GALNT13: variants seen among roughly 807,000 people sequenced by gnomAD.
GALNT13 encodes the protein polypeptide N-acetylgalactosaminyltransferase 13.
Under a neutral mutation model 64.2 loss-of-function variants are expected in GALNT13, and 28 were observed. The observed-to-expected ratio is 0.44, with a 90% CI of 0.32 to 0.60. The LOEUF is 0.60. GALNT13 is among the 20% of genes least tolerant of loss of function. The pLI is 0.05. For synonymous variants in GALNT13, 214 were observed against 224.6 expected, an observed-to-expected ratio of 0.95 and a Z score of 0.42; for missense variants, 577 against 669.8, an observed-to-expected ratio of 0.86 and a Z score of 1.53.
At chr2:153,149,193 T>G in the GALNT13 span, among the ~76,000 whole-genome samples, 1,512 of 152,008 alleles carry the variant, frequency 9.9e-3, 10 homozygotes, top group Middle Eastern at 0.075. Flanking sequence ...ATAATTGATT[T>G]AATCATCACA....
At chr2:153,737,285 C>T in the GALNT13 span, among the ~76,000 whole-genome samples, 2 of 152,056 alleles carry the variant, frequency 1.3e-5, no homozygotes, top group Non-Finnish European at 1.5e-5. Flanking sequence ...TTTAATGGTT[C>T]GATTTTGAGG....
chr2:153,667,147 A>T, the GALNT13 span, among the ~76,000 whole-genome samples: 1 of 152,230 alleles, frequency 6.6e-6, no homozygotes, highest in Non-Finnish European at 1.5e-5. Flanking sequence ...TGTAAAGGCC[A>T]AACCTACAAC....
chr2:154,072,655 C>G (rs1201874911), intron 3 of GALNT13, among the ~76,000 whole-genome samples: 1 of 151,914 alleles, frequency 6.6e-6, no homozygotes, highest in African/African-American at 2.4e-5. Context: ...GACATTGCTG[C>G]CTGGTTATAT....
intron 4 of GALNT13, among the ~76,000 whole-genome samples, chr2:154,148,490 G>A (rs1196961254): frequency 7.9e-5 from 12 of 152,064 alleles, no homozygotes; most frequent in African/African-American, 1.4e-4. Flanking sequence ...AGATCCCTGA[G>A]GAATCACCAC....
the GALNT13 span, among the ~76,000 whole-genome samples, chr2:153,502,559 A>C: frequency 1.2e-4 from 18 of 152,192 alleles, no homozygotes; most frequent in Non-Finnish European, 7.3e-5. Context: ...TGCGTGTGCA[A>C]GTCTCTTTTG....
chr2:153,486,448 C>T, the GALNT13 span, among the ~76,000 whole-genome samples: 3 of 152,162 alleles, frequency 2.0e-5, no homozygotes, highest in Non-Finnish European at 4.4e-5. Context: ...TTCCCTCAAT[C>T]TCTTACCTGT....
the GALNT13 span, among the ~76,000 whole-genome samples, chr2:153,700,372 C>T: frequency 9.1e-3 from 1,381 of 152,196 alleles, 23 homozygotes; most frequent in African/African-American, 0.031. Flanking sequence ...ATGACAAACC[C>T]ACAGCCAATA....
chr2:153,267,113 C>A, the GALNT13 span, among the ~76,000 whole-genome samples: 1 of 152,220 alleles, frequency 6.6e-6, no homozygotes, highest in Middle Eastern at 3.2e-3. Flanking sequence ...TCTTCAAAAT[C>A]TGCTTTGACT....
chr2:153,920,985 GA>G (rs1443523773), intron 2 of GALNT13, among the ~76,000 whole-genome samples: 1 of 152,120 alleles, frequency 6.6e-6, no homozygotes, highest in Non-Finnish European at 1.5e-5. Flanking sequence ...GCAGATGCTG[GA>G]AGGTTGTGGA....
chr2:154,157,892 A>G (rs1457283608), intron 4 of GALNT13, among the ~76,000 whole-genome samples: 1 of 152,138 alleles, frequency 6.6e-6, no homozygotes, highest in Non-Finnish European at 1.5e-5. Context: ...CTTGGCTTTT[A>G]AGTCACTACA....
chr2:153,650,669 A>G, the GALNT13 span, among the ~76,000 whole-genome samples: 1 of 152,108 alleles, frequency 6.6e-6, no homozygotes, highest in Non-Finnish European at 1.5e-5. Context: ...GGTGGTGACA[A>G]AATCTCAGCA....
chr2:154,045,586 C>T (rs976701963), intron 3 of GALNT13, among the ~76,000 whole-genome samples: 5 of 152,102 alleles, frequency 3.3e-5, no homozygotes, highest in Non-Finnish European at 5.9e-5. Context: ...CAGCTCTGGA[C>T]GCAAGTGTTT....
At chr2:153,943,445 A>G (rs1691485881) in intron 2 of GALNT13, among the ~76,000 whole-genome samples, 2 of 151,872 alleles carry the variant, frequency 1.3e-5, no homozygotes, top group Admixed American at 1.3e-4. Flanking sequence ...AGAATATGAG[A>G]ACAATTTTTT....
intron 4 of GALNT13, among the ~76,000 whole-genome samples, chr2:154,192,089 G>A (rs1487857553): frequency 6.6e-6 from 1 of 152,180 alleles, no homozygotes; most frequent in East Asian, 1.9e-4. Context: ...CTGCTCAGCA[G>A]CCAGGCTCTC....
chr2:154,274,757 G>C (rs1160327323), intron 8 of GALNT13, among the ~76,000 whole-genome samples: 1 of 152,030 alleles, frequency 6.6e-6, no homozygotes, highest in Admixed American at 6.6e-5. Context: ...ACAGTAAATT[G>C]GTACTGGGGG....
the GALNT13 span, among the ~76,000 whole-genome samples, chr2:153,804,909 T>C: frequency 3.3e-5 from 5 of 152,038 alleles, no homozygotes; most frequent in Admixed American, 2.0e-4. Context: ...AAGGAAACAC[T>C]GTTAATAAGA....
the GALNT13 span, among the ~76,000 whole-genome samples, chr2:153,553,819 A>G: frequency 6.6e-6 from 1 of 152,084 alleles, no homozygotes; most frequent in South Asian, 2.1e-4. Flanking sequence ...TAGACTTCAG[A>G]CAGAGCGGGC....
At chr2:153,220,869 A>G in the GALNT13 span, among the ~76,000 whole-genome samples, 1 of 152,240 alleles carries the variant, frequency 6.6e-6, no homozygotes, top group Non-Finnish European at 1.5e-5. Flanking sequence ...ATCATTTTAA[A>G]TGGGAGTGGT....
intron 3 of GALNT13, among the ~76,000 whole-genome samples, chr2:153,970,544 T>TAG (rs1693670398): frequency 6.6e-6 from 1 of 152,228 alleles, no homozygotes; most frequent in African/African-American, 2.4e-5. Flanking sequence ...TTCATTTATA[T>TAG]GCCTTATCAT....
Sources: allele counts gnomAD v4.1 joint callset (sites outside exome capture counted in the v4.1 genomes callset), GRCh38; gene constraint gnomAD v4.1.1; transcripts MANE v1.5; gene names NCBI Gene and HGNC (gene_info 2026-07-23, HGNC 2026-07-21).